The following PLA2G4A variants were observed in gnomAD, a reference collection of about 807,000 sequenced individuals.
PLA2G4A encodes cytosolic phospholipase A2.
Under a neutral mutation model 81.9 loss-of-function variants are expected in PLA2G4A, and 40 were observed. That is an observed-to-expected ratio of 0.49 (90% confidence interval 0.38 to 0.64). The LOEUF is 0.64. Among genes scored for constraint, PLA2G4A ranks in the 30% least tolerant of loss-of-function variants. The pLI, the probability that PLA2G4A is intolerant of heterozygous loss-of-function variation, is 0.00. For missense variants in PLA2G4A, 715 were observed against 905.1 expected (o/e 0.79, Z 2.69); for synonymous variants, 302 against 296.9 (o/e 1.02, Z -0.18).
intron 5 of PLA2G4A, among the ~76,000 whole-genome samples, chr1:186,896,046 T>C (rs954808031): frequency 1.3e-5 from 2 of 151,492 alleles, no homozygotes; most frequent in Non-Finnish European, 1.5e-5. Flanking sequence ...ATTTGATATA[T>C]TTTATGGTTC....
intron 1 of PLA2G4A, among the ~76,000 whole-genome samples, chr1:186,850,156 A>C (rs1446829706): frequency 6.6e-6 from 1 of 152,196 alleles, no homozygotes; most frequent in African/African-American, 2.4e-5. Flanking sequence ...CTGAAATCAG[A>C]GTACATTGTA....
At chr1:186,834,588 C>T (rs1453110243) in intron 1 of PLA2G4A, among the ~76,000 whole-genome samples, 1 of 151,954 alleles carries the variant, frequency 6.6e-6, no homozygotes, top group African/African-American at 2.4e-5. Flanking sequence ...AATCGTTCTG[C>T]CCTTATAACT....
intron 7 of PLA2G4A, among the ~76,000 whole-genome samples, chr1:186,923,072 A>C (rs544073570): frequency 6.6e-6 from 1 of 152,104 alleles, no homozygotes; most frequent in South Asian, 2.1e-4. Context: ...TTTAGTTTTT[A>C]CTTCTTTCTT....
intron 10 of PLA2G4A, among the ~76,000 whole-genome samples, chr1:186,943,608 G>T (rs1175682000): frequency 6.6e-6 from 1 of 152,074 alleles, no homozygotes; most frequent in Non-Finnish European, 1.5e-5. Flanking sequence ...ATGAAACTTG[G>T]ATTTAAGTCG....
intron 2 of PLA2G4A, among the ~76,000 whole-genome samples, chr1:186,860,215 AATTT>A (rs1652746663): frequency 6.6e-6 from 1 of 152,152 alleles, no homozygotes; most frequent in Admixed American, 6.6e-5. Context: ...TTAATTTATT[AATTT>A]ATTATGAGAC....
intron 1 of PLA2G4A, among the ~76,000 whole-genome samples, chr1:186,844,752 G>A (rs545152082): frequency 4.8e-4 from 73 of 152,256 alleles, no homozygotes; most frequent in African/African-American, 1.6e-3. Flanking sequence ...AAATCTGCAC[G>A]TTGTGCACAT....
At chr1:186,959,406 T>C (rs1330684936) in intron 14 of PLA2G4A, among the ~76,000 whole-genome samples, 1 of 152,158 alleles carries the variant, frequency 6.6e-6, no homozygotes, top group Non-Finnish European at 1.5e-5. Flanking sequence ...CCTGAAAATG[T>C]TCTAAGCTAA....
At chr1:186,923,447 T>C (rs1311230661) in intron 7 of PLA2G4A, among the ~76,000 whole-genome samples, 1 of 152,212 alleles carries the variant, frequency 6.6e-6, no homozygotes, top group Non-Finnish European at 1.5e-5. Flanking sequence ...TTTCTAACAT[T>C]TGTAATTTAT....
At chr1:186,975,940 T>C (rs762181611) in intron 15 of PLA2G4A, among the ~76,000 whole-genome samples, 45 of 152,218 alleles carry the variant, frequency 3.0e-4, no homozygotes, top group Non-Finnish European at 4.9e-4. Context: ...TCTTTTCTGT[T>C]GATTTATAAA....
intron 1 of PLA2G4A, among the ~76,000 whole-genome samples, chr1:186,850,956 T>C (rs1652351905): frequency 6.6e-6 from 1 of 152,064 alleles, no homozygotes. Context: ...TTCAAGTAAA[T>C]ATATAATGTT....
At chr1:186,976,337 T>A (rs1369266995) in intron 15 of PLA2G4A, among the ~76,000 whole-genome samples, 1 of 152,208 alleles carries the variant, frequency 6.6e-6, no homozygotes, top group African/African-American at 2.4e-5. Context: ...TCCTCTCTAA[T>A]GTTCTTATCT....
chr1:186,854,429 C>G, intron 2 of PLA2G4A, 42 bp downstream of exon 2: 2 of 1,288,984 alleles, frequency 1.6e-6, no homozygotes, highest in South Asian at 2.4e-5. Context: ...TGGAGGGGGT[C>G]TGATATGTTT....
chr1:186,956,120 C>T lies in PLA2G4A; in HGVS notation c.1355C>T (p.Ala452Val), dbSNP rs753120447. ...HEPKGTENED[A>V]GSDYQSDNQA... Reference sequence around the variant, plus strand: ...TCCCTAGGCACTGAAAATGAAGATGCTGGAAGTGACTATCAAAGTGATAAT... The same window carrying T: ...TCCCTAGGCACTGAAAATGAAGATGTTGGAAGTGACTATCAAAGTGATAAT... The change falls in exon 14 of 18, where the codon GCT (alanine) becomes GTT (valine). Residue 452 changes from alanine (A) to valine (V), a missense_variant. Coordinates refer to ENST00000367466, the MANE Select transcript of PLA2G4A (RefSeq NM_024420.3). 6.2e-7 allele frequency: 1 copy of T among 1,612,874 alleles called. No individual in the cohort carries two copies. Among genetic ancestry groups the T allele is most frequent in the Non-Finnish European group, 8.5e-7 (1 of 1,178,948 alleles).
At chr1:186,972,609 T>C (rs564953957) in intron 15 of PLA2G4A, among the ~76,000 whole-genome samples, 1 of 152,330 alleles carries the variant, frequency 6.6e-6, no homozygotes, top group African/African-American at 2.4e-5. Flanking sequence ...TGTGTTGCCA[T>C]ACGTTGGACA....
intron 14 of PLA2G4A, among the ~76,000 whole-genome samples, chr1:186,958,288 T>G (rs1202487459): frequency 6.6e-6 from 1 of 152,222 alleles, no homozygotes; most frequent in Non-Finnish European, 1.5e-5. Context: ...TTCTAATTGT[T>G]ATAAAGTCAA....
intron 15 of PLA2G4A, among the ~76,000 whole-genome samples, chr1:186,966,677 A>G (rs906041197): frequency 6.6e-6 from 1 of 152,150 alleles, no homozygotes; most frequent in Non-Finnish European, 1.5e-5. Context: ...CCTCAAATAA[A>G]CACGCTTTGT....
chr1:186,978,895 C>T (rs10737278), intron 16 of PLA2G4A, among the ~76,000 whole-genome samples: 60,744 of 152,038 alleles, frequency 0.4, 14,226 homozygotes, highest in East Asian at 0.58. Flanking sequence ...GAACTTGATC[C>T]GCTGGGAAAG....
chr1:186,970,899 T>C (rs1657334740), intron 15 of PLA2G4A, among the ~76,000 whole-genome samples: 2 of 152,002 alleles, frequency 1.3e-5, no homozygotes, highest in African/African-American at 2.4e-5. Context: ...GGGTCTTTTG[T>C]GGTTCCATAT....
chr1:186,861,785 A>G (rs970612796), intron 2 of PLA2G4A, among the ~76,000 whole-genome samples: 3 of 152,150 alleles, frequency 2.0e-5, no homozygotes, highest in African/African-American at 7.2e-5. Flanking sequence ...TATTGGCCAG[A>G]CTGTTGGTTC....
Sources: allele counts gnomAD v4.1 joint callset (sites outside exome capture counted in the v4.1 genomes callset), GRCh38; gene constraint gnomAD v4.1.1; transcripts MANE v1.5; gene names NCBI Gene and HGNC (gene_info 2026-07-23, HGNC 2026-07-21).